OR52I2: variants seen among roughly 807,000 people sequenced by gnomAD.
OR52I2 encodes olfactory receptor 52I2.
For missense variants in OR52I2, 350 were observed against 402.4 expected (o/e 0.87, Z 1.11); for synonymous variants, 147 against 151.9 (o/e 0.97, Z 0.24).
At chr11:4,583,326 G>C (rs556678554) in intron 1 of OR52I2, among the ~76,000 whole-genome samples, 3 of 152,226 alleles carry the variant, frequency 2.0e-5, no homozygotes, top group East Asian at 3.9e-4. Flanking sequence ...TTAGTTTCCA[G>C]GGCTGGTGAG....
chr11:4,588,867 TTGA>T (rs1191129256), exon 2 of OR52I2: 3 of 152,200 alleles, frequency 2.0e-5, no homozygotes, highest in Non-Finnish European at 4.4e-5. Flanking sequence ...CTATAAGATG[TTGA>T]TGTGATGATG....
chr11:4,582,436 T>TTTTTTTTTTTTTTTTTTTTTTTTC (rs1564859046), intron 1 of OR52I2, among the ~76,000 whole-genome samples: 1 of 60,794 alleles, frequency 1.6e-5, no homozygotes, highest in African/African-American at 5.2e-5. Context: ...TATTTTTCAT[T>TTTTTTTTTTTTTTTTTTTTTTTTC]TTTTTTTTTT....
chr11:4,586,639 A>T (rs929391749), intron 1 of OR52I2, among the ~76,000 whole-genome samples: 1 of 152,184 alleles, frequency 6.6e-6, no homozygotes, highest in African/African-American at 2.4e-5. Context: ...AAAGCAGAAA[A>T]GGCTTTCCAA....
At chr11:4,582,725 T>C (rs1011863447) in intron 1 of OR52I2, among the ~76,000 whole-genome samples, 10 of 152,070 alleles carry the variant, frequency 6.6e-5, no homozygotes, top group Non-Finnish European at 8.8e-5. Context: ...TGAGCCACCA[T>C]GTCCGGTCGA....
Position 4,584,163 on chromosome 11 carries a change from A to G in OR52I2, c.-20+2299A>G, listed in dbSNP as rs576949053. 4.6e-5 allele frequency among the ~76,000 whole-genome samples: 7 copies of G among 152,340 alleles called. No homozygotes were observed. The East Asian group carries it at 5.8e-4, about 13-fold the overall frequency. On this transcript the variant is annotated intron_variant, in intron 1 of 1. Coordinates refer to ENST00000641896, the Ensembl canonical transcript of OR52I2. ...GGAGAGGCACAGGAAGAAATAGACAAAGCAAGCTAGTCTTGAGGCTTGGCA... is the reference window on the plus strand; with the variant it reads ...GGAGAGGCACAGGAAGAAATAGACAGAGCAAGCTAGTCTTGAGGCTTGGCA...
exon 2 of OR52I2, chr11:4,591,987 G>A (rs1216168440): frequency 6.6e-6 from 1 of 152,214 alleles, no homozygotes; most frequent in Non-Finnish European, 1.5e-5. Context: ...GACATCTTCA[G>A]TGGCAACTCA....
At chr11:4,587,902 T>C (rs764203722) in exon 2 of OR52I2, 1 of 1,543,402 alleles carries the variant, frequency 6.5e-7, no homozygotes, top group Non-Finnish European at 8.9e-7. Flanking sequence ...ATTTCAAAGA[T>C]GCCTTAGAGA....
chr11:4,586,234 T>G (rs1275931700), intron 1 of OR52I2, among the ~76,000 whole-genome samples: 3 of 152,200 alleles, frequency 2.0e-5, no homozygotes, highest in Non-Finnish European at 2.9e-5. Context: ...CTCATTCATG[T>G]ATTTCTTTTA....
intron 1 of OR52I2, among the ~76,000 whole-genome samples, chr11:4,585,464 G>A (rs1330897608): frequency 6.6e-6 from 1 of 152,110 alleles, no homozygotes. Context: ...TAACTAAAGG[G>A]CTACCACGCA....
chr11:4,584,284 G>A (rs1846282480), intron 1 of OR52I2, among the ~76,000 whole-genome samples: 1 of 152,192 alleles, frequency 6.6e-6, no homozygotes, highest in African/African-American at 2.4e-5. Context: ...CACAATTGAT[G>A]TGGTGAACTA....
chr11:4,589,398 A>T (rs539894806), exon 2 of OR52I2: 2 of 152,246 alleles, frequency 1.3e-5, no homozygotes, highest in Non-Finnish European at 2.9e-5. Flanking sequence ...ACTATGAGGC[A>T]TGGACTCATT....
exon 2 of OR52I2, chr11:4,587,863 T>C (rs1846320738): frequency 6.2e-7 from 1 of 1,612,550 alleles, no homozygotes; most frequent in Non-Finnish European, 8.5e-7. Context: ...CCTGGGTTCA[T>C]GAACACAATA....
chr11:4,592,075 T>A (rs1369414024), exon 2 of OR52I2: 1 of 152,200 alleles, frequency 6.6e-6, no homozygotes, highest in East Asian at 1.9e-4. Context: ...TCAAATCACA[T>A]ACACCCATTT....
At chr11:4,584,806 C>T (rs193224594) in intron 1 of OR52I2, among the ~76,000 whole-genome samples, 108 of 152,174 alleles carry the variant, frequency 7.1e-4, no homozygotes, top group African/African-American at 2.5e-3. Context: ...GATTATGGGA[C>T]GACAGGAGAA....
At chr11:4,582,433 CATTTTT>C (rs1280691150) in intron 1 of OR52I2, among the ~76,000 whole-genome samples, 1,384 of 74,650 alleles carry the variant, frequency 0.019, 31 homozygotes, top group African/African-American at 0.06. Context: ...ATTTATTTTT[CATTTTT>C]TTTTTTTTTT....
chr11:4,585,759 C>G (rs1379354445), intron 1 of OR52I2, among the ~76,000 whole-genome samples: 1 of 152,134 alleles, frequency 6.6e-6, no homozygotes, highest in African/African-American at 2.4e-5. Flanking sequence ...TAGCTTAAAC[C>G]CAAAACTTAC....
rs750826306 is a variant in OR52I2 at position 4,589,738 on chromosome 11, T to C, written c.*1873T>C. On this transcript the variant is annotated 3_prime_UTR_variant, in exon 2 of 2. Transcript: ENST00000641896. ...GAAAAAAACCCAGTAGTAGGGCTGA[T>C]TGGGTGCATGTTTGGCTGAAGAGGG... 2.2e-4 allele frequency: 34 copies of C among 152,234 alleles called. 1 individual carries two copies. Among genetic ancestry groups the C allele is most frequent in the Admixed American group, 1.6e-3 (24 of 15,290 alleles). 9.4% of individuals were successfully genotyped at this position (152,234 alleles called of 1,614,324 possible). A position where few individuals can be genotyped will look rare whatever the true frequency, so the allele number is the denominator to read the frequency against.
intron 1 of OR52I2, among the ~76,000 whole-genome samples, chr11:4,585,640 T>A (rs1043073560): frequency 6.6e-6 from 1 of 152,208 alleles, no homozygotes; most frequent in Non-Finnish European, 1.5e-5. Flanking sequence ...TGCACAGCAG[T>A]AGCTATCTTT....
chr11:4,587,324 T>C (rs771025146), exon 2 of OR52I2: 2 of 1,613,028 alleles, frequency 1.2e-6, no homozygotes, highest in Non-Finnish European at 1.7e-6. Context: ...CCTCAAGTGA[T>C]GCTGGGAATG....
Sources: allele counts gnomAD v4.1 joint callset (sites outside exome capture counted in the v4.1 genomes callset), GRCh38; gene constraint gnomAD v4.1.1; transcripts MANE v1.5; gene names NCBI Gene and HGNC (gene_info 2026-07-23, HGNC 2026-07-21).